Variants in VPS13A observed in about 807,000 individuals in gnomAD.
The protein encoded by VPS13A is vacuolar protein sorting 13 homolog A.
A neutral mutation model predicts 390.9 loss-of-function variants in VPS13A; 264 were observed. That is an observed-to-expected ratio of 0.68 (90% CI 0.61 to 0.75). VPS13A has a LOEUF of 0.75. Ranked by LOEUF, VPS13A falls within the 30% of genes least tolerant of loss-of-function variation. The pLI is 0.00. For missense variants in VPS13A, 3,409 were observed against 3,733.9 expected, an observed-to-expected ratio of 0.91 and a Z score of 2.27; for synonymous variants, 1,231 against 1,227.1, an observed-to-expected ratio of 1.00 and a Z score of -0.07.
At chr9:77,201,495 C>A in intron 3 of VPS13A, 88 bp downstream of exon 3, 1 of 1,124,362 alleles carries the variant, frequency 8.9e-7, no homozygotes, top group Non-Finnish European at 1.4e-6. Context: ...TGATATTTTT[C>A]ATGTTTCTGA....
chr9:77,244,214 A>G (rs12004885), intron 19 of VPS13A, among the ~76,000 whole-genome samples: 2,703 of 152,254 alleles, frequency 0.018, 56 homozygotes, highest in African/African-American at 0.049. Flanking sequence ...ATTCCAGCCT[A>G]AGTGACAGAG....
At chr9:77,387,580 G>A (rs894851202) in intron 68 of VPS13A, among the ~76,000 whole-genome samples, 6 of 151,952 alleles carry the variant, frequency 3.9e-5, no homozygotes, top group African/African-American at 1.5e-4. Flanking sequence ...CTGTAATTGT[G>A]GACACTCATA....
chr9:77,383,964 TG>T (rs1481307343), intron 68 of VPS13A, among the ~76,000 whole-genome samples: 11 of 138,774 alleles, frequency 7.9e-5, no homozygotes, highest in Admixed American at 1.6e-4. Flanking sequence ...TGGTGGGTTT[TG>T]TTTTTTTTTT....
chr9:77,261,764 T>C (rs1587444183), intron 23 of VPS13A, among the ~76,000 whole-genome samples: 1 of 152,058 alleles, frequency 6.6e-6, no homozygotes, highest in African/African-American at 2.4e-5. Context: ...TTTGTATTTT[T>C]AGCCGAGATG....
At chr9:77,207,283 A>G (rs958998561) in intron 5 of VPS13A, among the ~76,000 whole-genome samples, 8 of 138,724 alleles carry the variant, frequency 5.8e-5, no homozygotes, top group African/African-American at 1.8e-4. Context: ...TAACATGCAT[A>G]TTATCTATAA....
At chr9:77,178,621 C>T (rs909307906) in intron 1 of VPS13A, among the ~76,000 whole-genome samples, 1 of 152,184 alleles carries the variant, frequency 6.6e-6, no homozygotes, top group Non-Finnish European at 1.5e-5. Context: ...CCTACGCTGC[C>T]TAGGTGGTGA....
intron 44 of VPS13A, among the ~76,000 whole-genome samples, chr9:77,322,593 G>A (rs1295654558): frequency 1.3e-5 from 2 of 151,536 alleles, no homozygotes; most frequent in East Asian, 1.9e-4. Flanking sequence ...ATGCAAGTAA[G>A]TAATTTTATC....
chr9:77,324,846 A>G (rs971305819), intron 45 of VPS13A, among the ~76,000 whole-genome samples: 2 of 151,662 alleles, frequency 1.3e-5, no homozygotes, highest in Admixed American at 6.6e-5. Flanking sequence ...CTATTCTCCC[A>G]TCTTGCTCCG....
Position 77,321,586 on chromosome 9 carries a change from T to G in VPS13A, c.5670T>G (p.Val1890=), listed in dbSNP as rs769535023. Reference sequence around the variant, plus strand: ...ATTCCCTTGGACTTACTATTTCTGTTTCGCCAAGTGATTCTTTTAGTGTAC... The same window carrying G: ...ATTCCCTTGGACTTACTATTTCTGTGTCGCCAAGTGATTCTTTTAGTGTAC... ...ILNSLGLTIS[V]SPSDSFSVLN... is the part of the protein sequence containing the mutation. The change falls in exon 44 of 72, where the codon GTT becomes GTG. Residue 1890 remains valine, a synonymous_variant. Transcript: ENST00000360280. 1.2e-6 allele frequency: 2 copies of G among 1,613,466 alleles called. No individual in the cohort carries two copies. The highest frequency in any genetic ancestry group is 3.3e-5 in the Admixed American group (2 of 59,902).
At chr9:77,279,380 T>A (rs1248711032) in intron 26 of VPS13A, among the ~76,000 whole-genome samples, 1 of 152,078 alleles carries the variant, frequency 6.6e-6, no homozygotes, top group Non-Finnish European at 1.5e-5. Flanking sequence ...TCCTCTTCTC[T>A]CTTTTTCTGC....
chr9:77,273,915 T>G (rs1263329585), intron 24 of VPS13A, among the ~76,000 whole-genome samples: 1 of 152,184 alleles, frequency 6.6e-6, no homozygotes, highest in Non-Finnish European at 1.5e-5. Flanking sequence ...TTTTCCTGTG[T>G]CTGCTGTTTC....
Position 77,315,466 on chromosome 9 carries a change from A to G in VPS13A, c.4626A>G (p.Glu1542=), listed in dbSNP as rs763602189. ...ETSVQTWTAK[E]EVPTQESVKW... ...GTGTGCAAACATGGACTGCTAAGGAAGAAGGTTAGTTATTGGCTAAAATAT... is the reference window on the plus strand; with the variant it reads ...GTGTGCAAACATGGACTGCTAAGGAGGAAGGTTAGTTATTGGCTAAAATAT... Residue 1542 remains glutamate (E), a synonymous_variant, in exon 38 of 72, where the codon GAA becomes GAG. Coordinates refer to ENST00000360280, the MANE Select transcript of VPS13A (RefSeq NM_033305.3). 26 of 1,613,612 alleles carry G rather than the reference A, an allele frequency of 1.6e-5. No individual in the cohort carries two copies. The highest frequency in any genetic ancestry group is 3.3e-4 in the Middle Eastern group (2 of 6,082).
chr9:77,250,260 A>C, intron 21 of VPS13A, 31 bp downstream of exon 21: 2 of 1,610,214 alleles, frequency 1.2e-6, no homozygotes, highest in Non-Finnish European at 1.7e-6. Context: ...TTGTTGATTG[A>C]TTTTGTTGAA....
chr9:77,184,101 C>G (rs1261301104), intron 1 of VPS13A, among the ~76,000 whole-genome samples: 1 of 152,012 alleles, frequency 6.6e-6, no homozygotes, highest in Admixed American at 6.6e-5. Context: ...AGAAAATATA[C>G]AAATCTTAAG....
Position 77,283,408 on chromosome 9 carries a change from T to C in VPS13A, c.3172T>C (p.Leu1058=), listed in dbSNP as rs2131350018. 6.2e-7 allele frequency: 1 copy of C among 1,608,616 alleles called. No individual in the cohort carries two copies. Among genetic ancestry groups the C allele is most frequent in the Non-Finnish European group, 8.5e-7 (1 of 1,175,594 alleles). ...DIITLQILAE[L]SCLQIFIQDQ... ...CATTACTTTGCAGATTTTAGCAGAA[T>C]TATCGTGTTTACAGATCTTTATTCA... Residue 1058 remains leucine (L), a synonymous_variant, in exon 30 of 72, where the codon TTA becomes CTA. Transcript: ENST00000360280.
chr9:77,255,245 A>G (rs1825374567), intron 22 of VPS13A, among the ~76,000 whole-genome samples: 2 of 152,144 alleles, frequency 1.3e-5, no homozygotes, highest in East Asian at 1.9e-4. Context: ...TGAGATGATC[A>G]TGTGATCATG....
At position 77,276,083 on chromosome 9, in the gene VPS13A, C is replaced by T. The variant is rs1470407657; in HGVS notation, c.2686C>T (p.His896Tyr). ...EVPKVLIEFY[H>Y]LVGDCELSVV... The stretch of plus-strand genomic sequence containing the variant: ...TCTCCAGGTTTTGATCGAGTTTTAT[C>T]ACCTTGTTGGAGATTGTGAACTATC... Residue 896 changes from histidine to tyrosine, a missense_variant, in exon 26 of 72, where the codon CAC (histidine) becomes TAC (tyrosine). This residue lies in a region of VPS13A where 2,717 missense variants were observed against 2,917.4 expected (regional missense o/e 0.93). Coordinates refer to ENST00000360280, the MANE Select transcript of VPS13A (RefSeq NM_033305.3). 1 of 1,612,336 alleles carries T rather than the reference C, an allele frequency of 6.2e-7. No homozygotes were observed. Among genetic ancestry groups the T allele is most frequent in the East Asian group, 2.2e-5 (1 of 44,748 alleles).
chr9:77,261,335 T>C (rs1825748723), intron 23 of VPS13A, among the ~76,000 whole-genome samples: 1 of 152,162 alleles, frequency 6.6e-6, no homozygotes. Context: ...CATTTGTTTA[T>C]GGTGATATAG....
intron 13 of VPS13A, 88 bp from the exon 14 acceptor site, chr9:77,225,838 A>G: frequency 1.0e-6 from 1 of 959,226 alleles, no homozygotes; most frequent in Non-Finnish European, 1.7e-6. Context: ...TCTTTTCTTT[A>G]GTGCAGCCAT....
Sources: allele counts gnomAD v4.1 joint callset (sites outside exome capture counted in the v4.1 genomes callset), GRCh38; gene constraint gnomAD v4.1.1; regional missense constraint gnomAD v4.1.1; transcripts MANE v1.5; gene names NCBI Gene and HGNC (gene_info 2026-07-23, HGNC 2026-07-21).